The following MALRD1 variants were observed in gnomAD, a reference collection of about 807,000 sequenced individuals.
MALRD1 encodes the protein MAM and LDL receptor class A domain containing 1, also known as MAM and LDL-receptor class A domain-containing protein 1.
A neutral mutation model predicts 242.1 loss-of-function variants in MALRD1; 247 were observed. The ratio of observed to expected loss-of-function variants is 1.02; its 90% confidence interval spans 0.92 to 1.13. The LOEUF is 1.13. Ranked by LOEUF, MALRD1 falls within the 50% of genes most tolerant of loss-of-function variation. The pLI is 0.00. For synonymous variants in MALRD1, 995 were observed against 866.6 expected, an observed-to-expected ratio of 1.15 and a Z score of -2.60; for missense variants, 2,989 against 2,533.1, an observed-to-expected ratio of 1.18 and a Z score of -3.86.
At chr10:19,138,685 G>A (rs978466475) in intron 10 of MALRD1, among the ~76,000 whole-genome samples, 3 of 152,130 alleles carry the variant, frequency 2.0e-5, no homozygotes, top group African/African-American at 7.2e-5. Flanking sequence ...CTCCCAAAGT[G>A]CTGGGATTAC....
intron 2 of MALRD1, among the ~76,000 whole-genome samples, chr10:19,068,583 G>A (rs1321181694): frequency 6.6e-6 from 1 of 152,082 alleles, no homozygotes; most frequent in Non-Finnish European, 1.5e-5. Flanking sequence ...CTAATTGAAG[G>A]CTGGTAACTT....
At chr10:19,072,960 G>T (rs1480757443) in intron 2 of MALRD1, among the ~76,000 whole-genome samples, 1 of 151,724 alleles carries the variant, frequency 6.6e-6, no homozygotes, top group African/African-American at 2.4e-5. Context: ...TGTCACTCAG[G>T]ATGGAGTGCA....
chr10:19,263,115 G>GT (rs1839826701), intron 19 of MALRD1, among the ~76,000 whole-genome samples: 1 of 152,168 alleles, frequency 6.6e-6, no homozygotes, highest in Admixed American at 6.5e-5. Flanking sequence ...GAGTCCAGAT[G>GT]TCTCTTTGAA....
intron 24 of MALRD1, among the ~76,000 whole-genome samples, chr10:19,345,983 C>T (rs1844102524): frequency 6.6e-6 from 1 of 151,994 alleles, no homozygotes; most frequent in African/African-American, 2.4e-5. Context: ...CAAAGTCTCA[C>T]TTTGTTGGCC....
At chr10:19,715,164 C>A (rs1321892367) in intron 38 of MALRD1, among the ~76,000 whole-genome samples, 1 of 151,736 alleles carries the variant, frequency 6.6e-6, no homozygotes, top group Non-Finnish European at 1.5e-5. Context: ...TCCTTATTTC[C>A]CTATACTGAC....
chr10:19,494,571 T>TA (rs1837630880), intron 30 of MALRD1, among the ~76,000 whole-genome samples: 1 of 151,954 alleles, frequency 6.6e-6, no homozygotes, highest in African/African-American at 2.4e-5. Context: ...ATATCCAGTA[T>TA]AAAAAAATAA....
intron 36 of MALRD1, among the ~76,000 whole-genome samples, chr10:19,633,084 T>C (rs960183404): frequency 6.6e-6 from 1 of 152,078 alleles, no homozygotes; most frequent in Admixed American, 6.6e-5. Context: ...ATACAAAAAT[T>C]AGCTGAGTGT....
intron 28 of MALRD1, among the ~76,000 whole-genome samples, chr10:19,441,926 T>C (rs1589079491): frequency 1.3e-5 from 2 of 152,218 alleles, no homozygotes; most frequent in Non-Finnish European, 2.9e-5. Context: ...CCTTGGGCAG[T>C]ATGGCCATTT....
At chr10:19,086,242 A>G (rs966882154) in intron 2 of MALRD1, among the ~76,000 whole-genome samples, 1 of 152,058 alleles carries the variant, frequency 6.6e-6, no homozygotes, top group Non-Finnish European at 1.5e-5. Flanking sequence ...TTTCTTCCTT[A>G]GGTCTCATAA....
chr10:19,111,285 C>A (rs2131353514), intron 5 of MALRD1, among the ~76,000 whole-genome samples: 1 of 152,178 alleles, frequency 6.6e-6, no homozygotes, highest in African/African-American at 2.4e-5. Context: ...AAATTGTGAT[C>A]CAGTAGAAAA....
chr10:19,365,236 C>CT (rs1845055083), intron 26 of MALRD1, among the ~76,000 whole-genome samples: 1 of 151,892 alleles, frequency 6.6e-6, no homozygotes, highest in South Asian at 2.1e-4. Flanking sequence ...TCTGTTCTGC[C>CT]TTCTCAGATT....
intron 39 of MALRD1, among the ~76,000 whole-genome samples, chr10:19,732,023 T>C (rs1203673395): frequency 6.6e-6 from 1 of 152,134 alleles, no homozygotes; most frequent in East Asian, 1.9e-4. Flanking sequence ...TGATACACAC[T>C]TTTAGTATTG....
intron 26 of MALRD1, among the ~76,000 whole-genome samples, chr10:19,383,230 T>C (rs1006469504): frequency 2.0e-5 from 3 of 152,040 alleles, no homozygotes; most frequent in Non-Finnish European, 4.4e-5. Flanking sequence ...TAAGCCCTGG[T>C]GTCTGTTGTT....
chr10:19,073,469 T>A (rs1360828352), intron 2 of MALRD1, among the ~76,000 whole-genome samples: 2 of 152,114 alleles, frequency 1.3e-5, no homozygotes, highest in African/African-American at 4.8e-5. Flanking sequence ...TGGAAACTTT[T>A]TGAGGGCAAA....
At chr10:19,136,438 G>T in intron 9 of MALRD1, 136 bp from the exon 10 acceptor site, 1 of 428,528 alleles carries the variant, frequency 2.3e-6, no homozygotes, top group Non-Finnish European at 3.9e-6. Flanking sequence ...TTATCAAACA[G>T]GAACTTTGTT....
chr10:19,363,525 AT>A (rs1564595693), intron 26 of MALRD1, among the ~76,000 whole-genome samples: 1 of 152,140 alleles, frequency 6.6e-6, no homozygotes, highest in Non-Finnish European at 1.5e-5. Context: ...TATGAGAGCA[AT>A]TTTGCACTGT....
Position 19,558,072 on chromosome 10 carries a change from A to T in MALRD1, c.5479-9430A>T, listed in dbSNP as rs529312596. On this transcript the variant is annotated intron_variant, in intron 32 of 39. Transcript: ENST00000454679. ...ATTGTTCATTCCTGCTATATAAAAA[A>T]TAACTAAATTTGCATATTATTCTTG... is the stretch of plus-strand genomic sequence containing the variant. Among the ~76,000 whole-genome samples, 7 of 152,184 alleles carry T rather than the reference A, an allele frequency of 4.6e-5. No homozygotes were observed. The South Asian group carries it at 1.5e-3, about 32-fold the overall frequency.
intron 38 of MALRD1, among the ~76,000 whole-genome samples, chr10:19,715,723 G>A (rs185489649): frequency 5.1e-4 from 78 of 152,252 alleles, no homozygotes; most frequent in African/African-American, 1.7e-3. Context: ...GCATGATGTC[G>A]GCATCTGCTT....
At chr10:19,627,973 T>G (rs1461541111) in intron 36 of MALRD1, among the ~76,000 whole-genome samples, 1 of 151,870 alleles carries the variant, frequency 6.6e-6, no homozygotes, top group Non-Finnish European at 1.5e-5. Flanking sequence ...AACAAAATTA[T>G]GTAACAGATA....
Sources: gnomAD v4.1 joint callset for allele counts (sites outside exome capture counted in the v4.1 genomes callset) on GRCh38, gnomAD v4.1.1 for gene constraint, MANE v1.5 for transcripts, NCBI Gene and HGNC (gene_info 2026-07-23, HGNC 2026-07-21) for gene names.